The following SNX8 variants were observed in gnomAD, a reference collection of about 807,000 sequenced individuals.
SNX8 encodes sorting nexin-8.
A neutral mutation model predicts 51.6 loss-of-function variants in SNX8; 25 were observed. The observed-to-expected ratio is 0.48, with a 90% confidence interval of 0.35 to 0.68. SNX8 has a LOEUF of 0.68. Ranked by LOEUF, SNX8 falls within the 30% of genes least tolerant of loss-of-function variation. SNX8 has a pLI of 0.00. For missense variants in SNX8, 695 were observed against 624.0 expected (o/e 1.11, Z -1.21); for synonymous variants, 324 against 277.0 (o/e 1.17, Z -1.68).
intron 1 of SNX8, among the ~76,000 whole-genome samples, chr7:2,312,104 C>G (rs1272437826): frequency 6.6e-6 from 1 of 152,056 alleles, no homozygotes; most frequent in South Asian, 2.1e-4. Context: ...CCCAGCAACC[C>G]CCATCTGTGG....
intron 5 of SNX8, among the ~76,000 whole-genome samples, chr7:2,267,317 C>T (rs1439456430): frequency 3.1e-5 from 4 of 130,528 alleles, no homozygotes; most frequent in African/African-American, 5.7e-5. Flanking sequence ...CCTCCCCCTC[C>T]CCCTCCCCCT....
At chr7:2,321,408 T>TAAAAAGA (rs1359485288) in intron 1 of SNX8, among the ~76,000 whole-genome samples, 2 of 151,564 alleles carry the variant, frequency 1.3e-5, no homozygotes, top group African/African-American at 2.4e-5. Flanking sequence ...CAGGGAACTG[T>TAAAAAGA]AAAAAGAAAA....
At chr7:2,337,213 C>T (rs185788179) in intron 1 of SNX8, 2 of 151,990 alleles carry the variant, frequency 1.3e-5, no homozygotes, top group Admixed American at 6.6e-5. Context: ...CCCACACTTT[C>T]AGAGGCCGAG....
Position 2,254,016 on chromosome 7 carries a change from G to C in SNX8, c.*1040C>G, listed in dbSNP as rs1369321279. On this transcript the variant is annotated 3_prime_UTR_variant, in exon 11 of 11. Transcript: ENST00000222990. ...TTCGGGCAGAAGCAGACCCAGGCCTGAGGCGGACAGTCCAGCCCCACAGAG... is the reference window on the plus strand; with the variant it reads ...TTCGGGCAGAAGCAGACCCAGGCCTCAGGCGGACAGTCCAGCCCCACAGAG... 6.6e-6 allele frequency: 1 copy of C among 152,542 alleles called. No homozygotes were observed. The highest frequency in any genetic ancestry group is 1.5e-5 in the Non-Finnish European group (1 of 68,332). 9.4% of individuals were successfully genotyped at this position (152,542 alleles called of 1,614,324 possible).
At chr7:2,298,495 G>T (rs543743748) in intron 1 of SNX8, among the ~76,000 whole-genome samples, 2 of 151,446 alleles carry the variant, frequency 1.3e-5, no homozygotes, top group Non-Finnish European at 2.9e-5. Context: ...TCAGCCTCCC[G>T]GGTAGCTGGG....
chr7:2,335,961 G>C (rs912928471), intron 1 of SNX8, among the ~76,000 whole-genome samples: 3 of 151,804 alleles, frequency 2.0e-5, no homozygotes, highest in African/African-American at 7.3e-5. Context: ...AAATTAGCTG[G>C]GCATGGTGTC....
intron 1 of SNX8, among the ~76,000 whole-genome samples, chr7:2,353,474 G>A (rs1481612985): frequency 1.3e-5 from 2 of 151,918 alleles, no homozygotes; most frequent in Non-Finnish European, 1.5e-5. Flanking sequence ...CGAAGACAGG[G>A]TCTCGCTATG....
At position 2,309,679 on chromosome 7, in the gene SNX8, C is replaced by G. The variant is rs1044878486; in HGVS notation, c.94+4649G>C. 5.8e-5 allele frequency: 24 copies of G among 410,422 alleles called. No homozygotes were observed. The Admixed American group carries it at 7.0e-4, about 12-fold the overall frequency. 25.4% of individuals were successfully genotyped at this position (410,422 alleles called of 1,614,324 possible). On this transcript the variant is annotated intron_variant, in intron 1 of 10. Coordinates refer to ENST00000222990, the MANE Select transcript of SNX8 (RefSeq NM_013321.4). ...CCGGGAGGAGGAGGTTGCGGTGAGC[C>G]GAGATCGCGCCATCGCACTCCAGCC...
chr7:2,331,978 G>A (rs981546464), intron 1 of SNX8, among the ~76,000 whole-genome samples: 1 of 152,032 alleles, frequency 6.6e-6, no homozygotes, highest in Non-Finnish European at 1.5e-5. Context: ...AGGAAGGCAG[G>A]AGGATGGCTT....
intron 7 of SNX8, among the ~76,000 whole-genome samples, chr7:2,262,475 A>G (rs1207880130): frequency 6.6e-6 from 1 of 152,182 alleles, no homozygotes; most frequent in Non-Finnish European, 1.5e-5. Flanking sequence ...CCCATGCAGC[A>G]GGAGCACTGC....
chr7:2,258,252 G>A (rs1299305843), intron 7 of SNX8, among the ~76,000 whole-genome samples: 1 of 152,030 alleles, frequency 6.6e-6, no homozygotes, highest in Non-Finnish European at 1.5e-5. Flanking sequence ...TCCAGACCTC[G>A]TGATCCGCCC....
chr7:2,334,856 A>T (rs1778795960), intron 1 of SNX8, among the ~76,000 whole-genome samples: 1 of 138,646 alleles, frequency 7.2e-6, no homozygotes. Flanking sequence ...CAACAGAGTA[A>T]GAGCCCATCT....
At chr7:2,288,259 A>T (rs1179658650) in intron 1 of SNX8, 2 of 151,184 alleles carry the variant, frequency 1.3e-5, no homozygotes, top group Non-Finnish European at 2.9e-5. Flanking sequence ...AAGGAGAATC[A>T]CTTGAGCCTG....
intron 1 of SNX8, among the ~76,000 whole-genome samples, chr7:2,329,861 T>C (rs139385269): frequency 0.032 from 4,882 of 150,302 alleles, 188 homozygotes; most frequent in African/African-American, 0.079. Flanking sequence ...AAAGTCTCGC[T>C]CTGTTCCCCA....
rs753591171 is a variant in SNX8, at chr7:2,264,433, G to C, written c.647C>G (p.Ala216Gly). The C allele has an allele frequency of 6.2e-7, 1 of 1,611,776 alleles. No individual in the cohort carries two copies. The highest frequency in any genetic ancestry group is 8.5e-7 in the Non-Finnish European group (1 of 1,179,906). The change falls in exon 6 of 11, where the codon GCT becomes GGT. Residue 216 changes from alanine (A) to glycine (G), a missense_variant. Coordinates refer to ENST00000222990, the MANE Select transcript of SNX8 (RefSeq NM_013321.4). The stretch of plus-strand genomic sequence containing the variant: ...CAGCTCCCGGCTGATGGCAAACTGA[G>C]CCTGGATGTCAGCTGGGAGGAAGTC... ...AKDFLPADIQ[A>G]QFAISRELIR...
chr7:2,257,051 C>T (rs1795202981), intron 9 of SNX8, 28 bp from the exon 10 acceptor site: 25 of 1,577,314 alleles, frequency 1.6e-5, no homozygotes, highest in Non-Finnish European at 2.2e-5. Context: ...GCCTTTCGCA[C>T]CCGGCCCAGC....
intron 1 of SNX8, among the ~76,000 whole-genome samples, chr7:2,338,063 C>T (rs557472609): frequency 3.9e-5 from 6 of 152,268 alleles, no homozygotes; most frequent in African/African-American, 7.2e-5. Context: ...CAGTGGCTCA[C>T]GCCTGTAATC....
intron 1 of SNX8, among the ~76,000 whole-genome samples, chr7:2,285,776 C>A (rs982858423): frequency 6.6e-6 from 1 of 152,128 alleles, no homozygotes; most frequent in Non-Finnish European, 1.5e-5. Flanking sequence ...AAGCAATCCT[C>A]CCACCTCAGC....
At chr7:2,335,752 G>A (rs1002378929) in intron 1 of SNX8, among the ~76,000 whole-genome samples, 5 of 140,152 alleles carry the variant, frequency 3.6e-5, no homozygotes, top group African/African-American at 1.1e-4. Flanking sequence ...GCGGTGAGCC[G>A]AGACCGCGGC....
Sources: gnomAD v4.1 joint callset for allele counts (sites outside exome capture counted in the v4.1 genomes callset) on GRCh38, gnomAD v4.1.1 for gene constraint, MANE v1.5 for transcripts, NCBI Gene and HGNC (gene_info 2026-07-23, HGNC 2026-07-21) for gene names.